CSMD1: variants seen among roughly 807,000 people sequenced by gnomAD.
CSMD1 encodes the protein CUB and Sushi multiple domains 1, also known as CUB and sushi domain-containing protein 1.
CSMD1 carries 213 observed loss-of-function variants against 417.5 expected under a neutral mutation model. That is an observed-to-expected ratio of 0.51 (90% CI 0.46 to 0.57). The LOEUF is 0.57. Ranked by LOEUF, CSMD1 falls within the 20% of genes least tolerant of loss-of-function variation. The pLI, the probability that CSMD1 is intolerant of heterozygous loss-of-function variation, is 0.00. For missense variants in CSMD1, 6,923 were observed against 4,529.7 expected (o/e 1.53, Z -15.17); for synonymous variants, 2,862 against 1,736.8 (o/e 1.65, Z -16.11).
At chr8:3,614,196 A>G (rs1208765673) in intron 8 of CSMD1, among the ~76,000 whole-genome samples, 1 of 152,154 alleles carries the variant, frequency 6.6e-6, no homozygotes, top group African/African-American at 2.4e-5. Flanking sequence ...ATTGCTACAA[A>G]CATAGAGACA....
chr8:3,175,588 T>TCCTCCCTC (rs538696105), intron 37 of CSMD1, among the ~76,000 whole-genome samples: 1 of 143,762 alleles, frequency 7.0e-6, no homozygotes, highest in African/African-American at 2.5e-5. Flanking sequence ...TTCCTTTTTG[T>TCCTCCCTC]CCTCCCTCCC....
intron 63 of CSMD1, among the ~76,000 whole-genome samples, chr8:2,957,012 T>C (rs1002618933): frequency 6.6e-6 from 1 of 152,154 alleles, no homozygotes; most frequent in South Asian, 2.1e-4. Flanking sequence ...TTTATAACAT[T>C]CTATTAATGT....
At chr8:3,097,491 C>G (rs973522416) in intron 46 of CSMD1, among the ~76,000 whole-genome samples, 2 of 152,202 alleles carry the variant, frequency 1.3e-5, no homozygotes, top group East Asian at 1.9e-4. Flanking sequence ...ATTCCAAGAG[C>G]CCTAGTGATG....
chr8:3,705,832 G>C (rs1172459844), intron 7 of CSMD1, among the ~76,000 whole-genome samples: 2 of 152,184 alleles, frequency 1.3e-5, no homozygotes, highest in African/African-American at 2.4e-5. Context: ...AGAGACTCAA[G>C]TTAATGGAAT....
intron 3 of CSMD1, among the ~76,000 whole-genome samples, chr8:4,278,984 A>G (rs1051603650): frequency 8.5e-5 from 13 of 152,308 alleles, no homozygotes; most frequent in African/African-American, 2.4e-4. Flanking sequence ...TAAGATTGCT[A>G]TATTGTTATA....
intron 1 of CSMD1, among the ~76,000 whole-genome samples, chr8:4,704,738 T>A (rs1807809441): frequency 6.6e-6 from 1 of 152,198 alleles, no homozygotes; most frequent in Non-Finnish European, 1.5e-5. Flanking sequence ...TCCTTTCAAA[T>A]GTTCTGGATA....
rs577811381 is a variant in CSMD1 at position 4,277,193 on chromosome 8, G to A, written c.415+142760C>T. On this transcript the variant is annotated intron_variant, in intron 3 of 69. Coordinates refer to ENST00000635120, the MANE Select transcript of CSMD1 (RefSeq NM_033225.6). ...CATACATATTTATATGTCATCTACAGATAACATATATATATATATATATAC... is the reference window on the plus strand; with the variant it reads ...CATACATATTTATATGTCATCTACAAATAACATATATATATATATATATAC... Among the ~76,000 whole-genome samples the A allele has an allele frequency of 3.3e-3, 413 of 124,440 alleles. 4 individuals are homozygous for A. The highest frequency in any genetic ancestry group is 0.011 in the African/African-American group (401 of 36,516). 81.6% of individuals were successfully genotyped at this position (124,440 alleles called of 152,430 possible).
chr8:2,937,556 C>T lies in CSMD1; in HGVS notation c.*1029G>A, dbSNP rs1404320029. 6.6e-6 allele frequency: 1 copy of T among 151,796 alleles called. No homozygotes were observed. Among genetic ancestry groups the T allele is most frequent in the African/African-American group, 2.4e-5 (1 of 41,274 alleles). 9.4% of individuals were successfully genotyped at this position (151,796 alleles called of 1,614,324 possible). On this transcript the variant is annotated 3_prime_UTR_variant, in exon 70 of 70. Transcript: ENST00000635120. ...ACTATTCACAGTTTTACATGGCAAA[C>T]AGAAATTTCTGCAAACCCCCTGCTA...
At chr8:3,695,546 T>G (rs1800503954) in intron 7 of CSMD1, among the ~76,000 whole-genome samples, 1 of 152,156 alleles carries the variant, frequency 6.6e-6, no homozygotes, top group Admixed American at 6.5e-5. Context: ...ATTTGCTAAT[T>G]GCTTTCCACC....
At chr8:3,251,705 G>C (rs1344881645) in intron 26 of CSMD1, among the ~76,000 whole-genome samples, 3 of 152,122 alleles carry the variant, frequency 2.0e-5, no homozygotes, top group African/African-American at 7.2e-5. Flanking sequence ...AGCATGGAAT[G>C]TTCTTCCATT....
intron 2 of CSMD1, among the ~76,000 whole-genome samples, chr8:4,440,976 GAC>G (rs1174086453): frequency 6.8e-6 from 1 of 146,468 alleles, no homozygotes; most frequent in Admixed American, 6.9e-5. Flanking sequence ...CAGCCTAGAT[GAC>G]ACAGTGAGAC....
At chr8:4,392,571 G>A (rs993178258) in intron 3 of CSMD1, among the ~76,000 whole-genome samples, 4 of 151,846 alleles carry the variant, frequency 2.6e-5, no homozygotes, top group Non-Finnish European at 5.9e-5. Flanking sequence ...AAAAACTTGT[G>A]TAAATGGCTT....
intron 68 of CSMD1, among the ~76,000 whole-genome samples, chr8:2,946,035 C>A (rs1031198307): frequency 6.6e-6 from 1 of 152,178 alleles, no homozygotes; most frequent in African/African-American, 2.4e-5. Context: ...AGTGCACTCA[C>A]ACACCTAGAC....
intron 1 of CSMD1, among the ~76,000 whole-genome samples, chr8:4,899,783 G>C (rs1263874459): frequency 3.3e-5 from 5 of 152,128 alleles, no homozygotes; most frequent in African/African-American, 1.2e-4. Flanking sequence ...CATCTTCCAA[G>C]AGGATACAAG....
intron 3 of CSMD1, among the ~76,000 whole-genome samples, chr8:4,127,296 T>C (rs1802821104): frequency 6.6e-6 from 1 of 151,926 alleles, no homozygotes; most frequent in South Asian, 2.1e-4. Flanking sequence ...CCCTCTGCTT[T>C]TCAGATTTCT....
At chr8:4,438,755 C>G (rs1798292080) in intron 2 of CSMD1, among the ~76,000 whole-genome samples, 1 of 152,142 alleles carries the variant, frequency 6.6e-6, no homozygotes, top group Non-Finnish European at 1.5e-5. Context: ...ACAAATGAGT[C>G]CAAACCATGT....
intron 25 of CSMD1, among the ~76,000 whole-genome samples, chr8:3,288,459 T>G (rs58245319): frequency 4.1e-5 from 6 of 146,696 alleles, no homozygotes; most frequent in Non-Finnish European, 8.8e-5. Flanking sequence ...AGCTACTGAT[T>G]ATTGCCTCAA....
chr8:3,142,751 G>C, intron 40 of CSMD1, 77 bp from the exon 41 acceptor site: 1 of 1,182,064 alleles, frequency 8.5e-7, no homozygotes, highest in Non-Finnish European at 1.3e-6. Flanking sequence ...AGGGACTGAA[G>C]TGTTAGCAGT....
intron 6 of CSMD1, among the ~76,000 whole-genome samples, chr8:3,718,915 A>G (rs1801986935): frequency 6.6e-6 from 1 of 152,110 alleles, no homozygotes; most frequent in Non-Finnish European, 1.5e-5. Flanking sequence ...CACCGGAGCC[A>G]ATTTAAACCT....
Sources: allele counts gnomAD v4.1 joint callset (sites outside exome capture counted in the v4.1 genomes callset), GRCh38; gene constraint gnomAD v4.1.1; transcripts MANE v1.5; gene names NCBI Gene and HGNC (gene_info 2026-07-23, HGNC 2026-07-21).